Variants in CDK14 observed in about 807,000 individuals in gnomAD.
The protein encoded by CDK14 is cyclin-dependent kinase 14.
In CDK14, 34 loss-of-function variants were observed where a neutral mutation model predicts 60.7. The observed-to-expected ratio is 0.56, with a 90% CI of 0.43 to 0.75. The LOEUF is 0.75. Ranked by LOEUF, CDK14 falls within the 30% of genes least tolerant of loss-of-function variation. CDK14 has a pLI of 0.00. For synonymous variants in CDK14, 197 were observed against 203.7 expected, an observed-to-expected ratio of 0.97 and a Z score of 0.28; for missense variants, 482 against 564.1, an observed-to-expected ratio of 0.85 and a Z score of 1.47.
rs189335749 is a variant in CDK14, at chr7:90,732,897, G to C, written c.369+6085G>C. Among the ~76,000 whole-genome samples the C allele has an allele frequency of 1.5e-4, 23 of 151,884 alleles. 1 individual carries two copies. The highest frequency in any genetic ancestry group is 1.2e-3 in the Admixed American group (18 of 15,252). On this transcript the variant is annotated intron_variant, in intron 3 of 14. Coordinates refer to ENST00000380050, the MANE Select transcript of CDK14 (RefSeq NM_001287135.2). ...CTTCTGCTAGCTTTTGAATGTATTTGCTCTTCCTTCTCTAGTTCTTTTAAT... is the reference window on the plus strand; with the variant it reads ...CTTCTGCTAGCTTTTGAATGTATTTCCTCTTCCTTCTCTAGTTCTTTTAAT...
At chr7:91,148,285 A>G (rs1470759972) in intron 14 of CDK14, among the ~76,000 whole-genome samples, 1 of 152,112 alleles carries the variant, frequency 6.6e-6, no homozygotes, top group Admixed American at 6.5e-5. Flanking sequence ...AGGTGGGGAA[A>G]TCACTTGGGC....
intron 2 of CDK14, among the ~76,000 whole-genome samples, chr7:90,697,316 A>G (rs1380833325): frequency 2.0e-5 from 3 of 152,146 alleles, no homozygotes; most frequent in Non-Finnish European, 4.4e-5. Flanking sequence ...ACATGAGAAA[A>G]TTGTCATTGA....
At chr7:91,115,098 T>A (rs1799568738) in intron 13 of CDK14, among the ~76,000 whole-genome samples, 1 of 152,194 alleles carries the variant, frequency 6.6e-6, no homozygotes, top group Non-Finnish European at 1.5e-5. Flanking sequence ...ATTTCTTTTT[T>A]AAGGAGATTT....
At chr7:91,148,481 T>C (rs946024468) in intron 14 of CDK14, among the ~76,000 whole-genome samples, 5 of 152,228 alleles carry the variant, frequency 3.3e-5, no homozygotes, top group Admixed American at 2.6e-4. Flanking sequence ...GGTAGCTTCC[T>C]GGGTGGGTAT....
At chr7:90,797,836 G>A (rs1164338084) in intron 5 of CDK14, among the ~76,000 whole-genome samples, 1 of 151,808 alleles carries the variant, frequency 6.6e-6, no homozygotes, top group Admixed American at 6.6e-5. Context: ...ATGACAACAC[G>A]AAGGGGGATG....
intron 14 of CDK14, among the ~76,000 whole-genome samples, chr7:91,179,275 A>T (rs1801905154): frequency 6.8e-6 from 1 of 146,440 alleles, no homozygotes; most frequent in Non-Finnish European, 1.5e-5. Context: ...AACCCCGCAT[A>T]TTCTCACTCA....
intron 10 of CDK14, among the ~76,000 whole-genome samples, chr7:91,027,496 G>A (rs1796606382): frequency 6.6e-6 from 1 of 152,096 alleles, no homozygotes; most frequent in Admixed American, 6.6e-5. Flanking sequence ...ACTAATTTTA[G>A]ATTATGCATA....
intron 7 of CDK14, among the ~76,000 whole-genome samples, chr7:90,912,907 G>A (rs912214951): frequency 1.6e-4 from 25 of 151,976 alleles, no homozygotes; most frequent in African/African-American, 2.4e-4. Context: ...CCACTGCCCC[G>A]GGCCTGATTA....
At chr7:91,072,272 A>C (rs951597345) in intron 11 of CDK14, among the ~76,000 whole-genome samples, 22 of 152,146 alleles carry the variant, frequency 1.4e-4, no homozygotes, top group Admixed American at 1.4e-3. Flanking sequence ...TATTAGCATC[A>C]GGTAGGTGCC....
At chr7:91,001,789 G>A (rs1795842948) in intron 10 of CDK14, among the ~76,000 whole-genome samples, 1 of 152,158 alleles carries the variant, frequency 6.6e-6, no homozygotes, top group Non-Finnish European at 1.5e-5. Flanking sequence ...TAAAATAACC[G>A]ACACATAAAC....
At chr7:90,734,137 TCCAC>T (rs1335976752) in intron 3 of CDK14, among the ~76,000 whole-genome samples, 5 of 152,162 alleles carry the variant, frequency 3.3e-5, no homozygotes, top group Non-Finnish European at 5.9e-5. Flanking sequence ...AATATTGGCC[TCCAC>T]TCTCTTCTGG....
chr7:91,194,951 G>A (rs963233567), intron 14 of CDK14, among the ~76,000 whole-genome samples: 1 of 152,162 alleles, frequency 6.6e-6, no homozygotes, highest in East Asian at 1.9e-4. Flanking sequence ...AATCCTGTGA[G>A]CCTGGGGTGT....
rs187005662 is a variant in CDK14 at position 90,680,132 on chromosome 7, T to C, written c.124-46435T>C. Among the ~76,000 whole-genome samples the C allele has an allele frequency of 2.4e-3, 372 of 152,246 alleles. 4 individuals are homozygous for C. Among genetic ancestry groups the C allele is most frequent in the African/African-American group, 8.4e-3 (351 of 41,564 alleles). ...GTATATCCCTGTAAAACCTTTATGG[T>C]AGTTTGAGGACTAAATAAGACATGT... On this transcript the variant is annotated intron_variant, in intron 2 of 14. Transcript: ENST00000380050.
At chr7:91,206,993 ATT>A (rs201466419) in intron 14 of CDK14, among the ~76,000 whole-genome samples, 170 bp from the exon 15 acceptor site, 1 of 151,268 alleles carries the variant, frequency 6.6e-6, no homozygotes, top group African/African-American at 2.4e-5. Flanking sequence ...TATTAGAAGG[ATT>A]TTTTTTTGGT....
intron 12 of CDK14, among the ~76,000 whole-genome samples, chr7:91,091,294 T>TA (rs1798800999): frequency 6.9e-6 from 1 of 145,156 alleles, no homozygotes; most frequent in Admixed American, 7.0e-5. Flanking sequence ...ATGTATATAT[T>TA]TTTATATATA....
Position 90,975,152 on chromosome 7 carries a change from G to A in CDK14, c.948-8996G>A, listed in dbSNP as rs1259264073. ...TTCCCACAGAAGTAGCCCTGAACTT[G>A]TCTTTCCCTTTTCTAAGGGAGGAAA... On this transcript the variant is annotated intron_variant, in intron 9 of 14. Transcript: ENST00000380050. Among the ~76,000 whole-genome samples the A allele has an allele frequency of 3.9e-5, 6 of 152,158 alleles. No homozygotes were observed. In the East Asian group the frequency reaches 1.2e-3, roughly 29 times the overall value.
intron 3 of CDK14, among the ~76,000 whole-genome samples, chr7:90,744,205 G>A (rs1376216532): frequency 6.6e-6 from 1 of 152,090 alleles, no homozygotes; most frequent in African/African-American, 2.4e-5. Flanking sequence ...AGGGAGTGGT[G>A]ATGACTCTTA....
chr7:90,809,852 A>G (rs1789016640), intron 5 of CDK14, among the ~76,000 whole-genome samples: 1 of 152,236 alleles, frequency 6.6e-6, no homozygotes, highest in African/African-American at 2.4e-5. Flanking sequence ...CTCTATGCAA[A>G]TAAACTAGAA....
intron 8 of CDK14, among the ~76,000 whole-genome samples, chr7:90,945,890 G>A (rs1022076753): frequency 2.6e-5 from 4 of 152,160 alleles, no homozygotes; most frequent in Non-Finnish European, 4.4e-5. Context: ...ACCCCAAAGA[G>A]GAAGCTCTTA....
Sources: gnomAD v4.1 joint callset for allele counts (sites outside exome capture counted in the v4.1 genomes callset) on GRCh38, gnomAD v4.1.1 for gene constraint, MANE v1.5 for transcripts, NCBI Gene and HGNC (gene_info 2026-07-23, HGNC 2026-07-21) for gene names.